ZNF443: variants seen among roughly 807,000 people sequenced by gnomAD.
ZNF443 encodes the protein zinc finger protein 443.
In ZNF443, 3 loss-of-function variants were observed where a neutral mutation model predicts 12.0. That is an observed-to-expected ratio of 0.25 (90% CI 0.11 to 0.64). The LOEUF is 0.64. Among genes scored for constraint, ZNF443 ranks in the 30% least tolerant of loss-of-function variants. ZNF443 has a pLI of 0.84. For synonymous variants in ZNF443, 225 were observed against 265.9 expected, an observed-to-expected ratio of 0.85 and a Z score of 1.50; for missense variants, 770 against 808.8, an observed-to-expected ratio of 0.95 and a Z score of 0.58.
At position 12,430,082 on chromosome 19, in the gene ZNF443, T is replaced by C; in HGVS notation, c.*74A>G. The stretch of plus-strand genomic sequence containing the variant: ...ACATTCACAGGGTCTATCTCCAATG[T>C]GTTTCGTACAAGTATCTGAAATGAA... On this transcript the variant is annotated 3_prime_UTR_variant, in exon 4 of 4. Coordinates refer to ENST00000301547, the MANE Select transcript of ZNF443 (RefSeq NM_005815.5). 1 of 1,599,310 alleles carries C rather than the reference T, an allele frequency of 6.3e-7. No individual in the cohort carries two copies. Among genetic ancestry groups the C allele is most frequent in the Non-Finnish European group, 8.5e-7 (1 of 1,172,406 alleles).
rs751842011 is a variant in ZNF443 at position 12,431,666 on chromosome 19, T to C, written c.506A>G (p.Tyr169Cys). The change falls in exon 4 of 4, where the codon TAT (tyrosine) becomes TGT (cysteine). Residue 169 changes from tyrosine to cysteine, a missense_variant. This residue lies in a region of ZNF443 where 736 missense variants were observed against 689.4 expected (regional missense o/e 1.07). Transcript: ENST00000301547. ...HERLHTGKKPYDCKECGKSFS... is the reference protein window; with the variant it reads ...HERLHTGKKPCDCKECGKSFS... ...GGACTTCCCACATTCTTTACAATCA[T>C]ATGGTTTCTTTCCAGTGTGAAGCCT... 2.0e-5 allele frequency: 32 copies of C among 1,614,150 alleles called. No individual in the cohort carries two copies. The highest frequency in any genetic ancestry group is 2.5e-5 in the Non-Finnish European group (29 of 1,180,000).
In ZNF443 at chr19:12,440,971, T is replaced by C; in HGVS notation, c.-57A>G. 1 of 1,613,760 alleles carries C rather than the reference T, an allele frequency of 6.2e-7. No individual in the cohort carries two copies. The highest frequency in any genetic ancestry group is 2.2e-5 in the East Asian group (1 of 44,884). On this transcript the variant is annotated 5_prime_UTR_variant, in exon 1 of 4. Coordinates refer to ENST00000301547, the MANE Select transcript of ZNF443 (RefSeq NM_005815.5). ...CGACAGCTCCCGCTGCCAATGCGTG[T>C]TCCAGCCAGACAAAGGCTGCCTCAG...
rs777269339 is a variant in ZNF443 at position 12,430,728 on chromosome 19, CAA to C, written c.1442_1443del (p.Leu481ArgfsTer6). The C allele has an allele frequency of 0.053, 84,908 of 1,613,432 alleles. 2,545 individuals are homozygous for C. The highest frequency in any genetic ancestry group is 0.1 in the South Asian group (9,383 of 91,054). On this transcript the variant is annotated frameshift_variant, in exon 4 of 4. Transcript: ENST00000301547. LOFTEE classifies it low-confidence loss of function (END_TRUNC). ...GAACAGAAATCAATACAGGCTTTCCCAAGTTTGCATTTATAGGGTTTCTCTCC... is the reference window on the plus strand; with the variant it reads ...GAACAGAAATCAATACAGGCTTTCCCGTTTGCATTTATAGGGTTTCTCTCC... Reference protein sequence around the residue: ...HTGEKPYKCKLGKACIDFCSF... With the variant: ...HTGEKPYKCKXGKACIDFCSF...
intron 1 of ZNF443, 29 bp downstream of exon 1, chr19:12,440,883 G>A (rs770579168): frequency 1.1e-5 from 18 of 1,613,762 alleles, no homozygotes; most frequent in Non-Finnish European, 1.4e-5. Flanking sequence ...CCCCTCCCCC[G>A]CCTCGGGACG....
At chr19:12,436,930 T>C (rs1240836202) in intron 1 of ZNF443, among the ~76,000 whole-genome samples, 2 of 151,024 alleles carry the variant, frequency 1.3e-5, no homozygotes, top group African/African-American at 2.4e-5. Flanking sequence ...TAGTTTATAA[T>C]AGGGCAAATG....
chr19:12,435,101 G>T (rs767625848), intron 1 of ZNF443, among the ~76,000 whole-genome samples: 1 of 151,726 alleles, frequency 6.6e-6, no homozygotes, highest in Non-Finnish European at 1.5e-5. Context: ...CCTCAGCCTC[G>T]CAAGTAGCTG....
rs2910986 is a variant in ZNF443 at position 12,435,427 on chromosome 19, C to T, written c.4-2230G>A. 5.1e-4 allele frequency among the ~76,000 whole-genome samples: 77 copies of T among 152,146 alleles called. 1 individual carries two copies. Among genetic ancestry groups the T allele is most frequent in the East Asian group, 4.4e-3 (23 of 5,176 alleles). Reference sequence around the variant, plus strand: ...GACATACAGTAGACCAACTAAGTCACGGAGAAAAAGAGCTGAAGAGAAAAT... The same window carrying T: ...GACATACAGTAGACCAACTAAGTCATGGAGAAAAAGAGCTGAAGAGAAAAT... On this transcript the variant is annotated intron_variant, in intron 1 of 3. Transcript: ENST00000301547.
In ZNF443 at chr19:12,430,710, A is replaced by T. The variant is rs1970241114; in HGVS notation, c.1462T>A (p.Phe488Ile). 3 of 1,613,228 alleles carry T rather than the reference A, an allele frequency of 1.9e-6. No homozygotes were observed. The South Asian group carries it at 3.3e-5, about 18-fold the overall frequency. ...GTTTTGTGATTTTGAAAGGAACAGA[A>T]ATCAATACAGGCTTTCCCAAGTTTG... is the stretch of plus-strand genomic sequence containing the variant. The part of the protein sequence containing the change: ...KCKLGKACID[F>I]CSFQNHKTTH... Residue 488 changes from phenylalanine (F) to isoleucine (I), a missense_variant, in exon 4 of 4, where the codon TTC becomes ATC. Coordinates refer to ENST00000301547, the MANE Select transcript of ZNF443 (RefSeq NM_005815.5).
At chr19:12,434,494 ATGTCATCTCTCATGAATATT>A (rs1447370363) in intron 1 of ZNF443, among the ~76,000 whole-genome samples, 1 of 151,970 alleles carries the variant, frequency 6.6e-6, no homozygotes, top group Non-Finnish European at 1.5e-5. Flanking sequence ...AAAGAACTCA[ATGTCATCTCTCATGAATATT>A]TATAATACTT....
chr19:12,431,829 G>A lies in ZNF443; in HGVS notation c.343C>T (p.His115Tyr). The A allele has an allele frequency of 6.2e-7, 1 of 1,614,118 alleles. No homozygotes were observed. Among genetic ancestry groups the A allele is most frequent in the Non-Finnish European group, 8.5e-7 (1 of 1,180,016 alleles). ...CTGATGTAACAATTAAGGGATGAAT[G>A]ACCCATGACTTTTTCTCCTCTCATA... Reference protein sequence around the residue: ...SSMRGEKVMGHSSLNCYIRVG... With the variant: ...SSMRGEKVMGYSSLNCYIRVG... Residue 115 changes from histidine (H) to tyrosine (Y), a missense_variant, in exon 4 of 4, where the codon CAT (histidine) becomes TAT (tyrosine). His to Tyr is a moderately conservative substitution (Grantham distance 83). Transcript: ENST00000301547.
At chr19:12,435,897 A>G (rs1970303038) in intron 1 of ZNF443, among the ~76,000 whole-genome samples, 1 of 152,024 alleles carries the variant, frequency 6.6e-6, no homozygotes, top group Admixed American at 6.5e-5. Context: ...AATAGAAAAC[A>G]GTGAGGAAAG....
In ZNF443 at chr19:12,440,223, A is replaced by G. The variant is rs530851900; in HGVS notation, c.3+689T>C. 1.0e-3 allele frequency among the ~76,000 whole-genome samples: 108 copies of G among 104,358 alleles called. 1 individual carries two copies. The South Asian group carries it at 0.034, about 33-fold the overall frequency. 68.5% of individuals were successfully genotyped at this position (104,358 alleles called of 152,430 possible). On this transcript the variant is annotated intron_variant, in intron 1 of 3. Coordinates refer to ENST00000301547, the MANE Select transcript of ZNF443 (RefSeq NM_005815.5). Reference sequence around the variant, plus strand: ...GCGAGATTGCAGTTAGATATTAAACAGGTGCCCTCAGCCCCGCTGCCTCAA... The same window carrying G: ...GCGAGATTGCAGTTAGATATTAAACGGGTGCCCTCAGCCCCGCTGCCTCAA...
intron 1 of ZNF443, among the ~76,000 whole-genome samples, chr19:12,439,652 A>G (rs12982475): frequency 0.37 from 55,955 of 151,746 alleles, 12,104 homozygotes; most frequent in Non-Finnish European, 0.49. Context: ...AAGCCCAGCT[A>G]ATTTTATTAT....
intron 1 of ZNF443, among the ~76,000 whole-genome samples, chr19:12,437,631 A>T (rs577863850): frequency 6.6e-6 from 1 of 152,184 alleles, no homozygotes; most frequent in Non-Finnish European, 1.5e-5. Context: ...GAATATACCA[A>T]TAAAAGAAGA....
Position 12,430,348 on chromosome 19 carries a change from T to A in ZNF443, c.1824A>T (p.Lys608Asn), listed in dbSNP as rs1448398707. ...CATACGGGTTCTCTCCAGTATGAGT[T>A]TTTTCATGTCCTTGAAGAAAACGGG... ...THSRFLQGHEKTHTGENPYEC... is the reference protein window; with the variant it reads ...THSRFLQGHENTHTGENPYEC... The change falls in exon 4 of 4, where the codon AAA (lysine) becomes AAT (asparagine). Residue 608 changes from lysine (K) to asparagine (N), a missense_variant. By Grantham distance (94) the Lys-to-Asn change is moderately conservative (BLOSUM62 0). This residue lies in a region of ZNF443 where 736 missense variants were observed against 689.4 expected (regional missense o/e 1.07). Coordinates refer to ENST00000301547, the MANE Select transcript of ZNF443 (RefSeq NM_005815.5). 2 of 1,613,662 alleles carry A rather than the reference T, an allele frequency of 1.2e-6. No individual in the cohort carries two copies. Among genetic ancestry groups the A allele is most frequent in the Non-Finnish European group, 1.7e-6 (2 of 1,179,846 alleles).
chr19:12,438,484 A>G (rs962455856), intron 1 of ZNF443, among the ~76,000 whole-genome samples: 1 of 152,220 alleles, frequency 6.6e-6, no homozygotes, highest in African/African-American at 2.4e-5. Context: ...CAGGAACAGA[A>G]CAGATTTCTC....
chr19:12,438,642 A>T (rs1051282870), intron 1 of ZNF443, among the ~76,000 whole-genome samples: 8 of 152,186 alleles, frequency 5.3e-5, no homozygotes, highest in Non-Finnish European at 1.2e-4. Context: ...CCTTGGTAGT[A>T]GTTATACTAC....
In ZNF443 at chr19:12,431,766, A is replaced by G; in HGVS notation, c.406T>C (p.Cys136Arg). 1 of 1,614,128 alleles carries G rather than the reference A, an allele frequency of 6.2e-7. No homozygotes were observed. Among genetic ancestry groups the G allele is most frequent in the South Asian group, 1.1e-5 (1 of 91,078 alleles). Residue 136 changes from cysteine to arginine, a missense_variant, in exon 4 of 4, where the codon TGT becomes CGT. Transcript: ENST00000301547. ...AGHKPHEYHE[C>R]GEKPDTHKQR... ...TTATGCGTATCTGGCTTCTCTCCACATTCATGATACTCATGTGGTTTGTGC... is the reference window on the plus strand; with the variant it reads ...TTATGCGTATCTGGCTTCTCTCCACGTTCATGATACTCATGTGGTTTGTGC...
At chr19:12,439,895 T>C (rs1253201848) in intron 1 of ZNF443, among the ~76,000 whole-genome samples, 1 of 152,014 alleles carries the variant, frequency 6.6e-6, no homozygotes, top group Non-Finnish European at 1.5e-5. Flanking sequence ...ATACTGTTGC[T>C]GTGAATTAAG....
Sources: gnomAD v4.1 joint callset for allele counts (sites outside exome capture counted in the v4.1 genomes callset) on GRCh38, gnomAD v4.1.1 for gene constraint, gnomAD v4.1.1 regional missense constraint, MANE v1.5 for transcripts, NCBI Gene and HGNC (gene_info 2026-07-23, HGNC 2026-07-21) for gene names.